Variants in ZBTB20 observed in about 807,000 individuals in gnomAD.
The protein encoded by ZBTB20 is zinc finger and BTB domain-containing protein 20.
ZBTB20 carries 9 observed loss-of-function variants against 56.9 expected under a neutral mutation model. The observed-to-expected ratio is 0.16, with a 90% CI of 0.10 to 0.28. The LOEUF (loss-of-function observed/expected upper bound fraction) is 0.28. ZBTB20 is among the 10% of genes least tolerant of loss of function. The pLI is 1.00. For synonymous variants in ZBTB20, 417 were observed against 420.7 expected, an observed-to-expected ratio of 0.99 and a Z score of 0.11; for missense variants, 655 against 1,003.0, an observed-to-expected ratio of 0.65 and a Z score of 4.69.
At chr3:115,043,268 G>C (rs1020502936) in intron 2 of ZBTB20, among the ~76,000 whole-genome samples, 4 of 151,950 alleles carry the variant, frequency 2.6e-5, no homozygotes, top group African/African-American at 7.3e-5. Flanking sequence ...TGTTTAAAAA[G>C]TAGTTGAAGG....
At chr3:114,399,451 C>T (rs1481904319) in intron 7 of ZBTB20, among the ~76,000 whole-genome samples, 8 of 151,902 alleles carry the variant, frequency 5.3e-5, no homozygotes, top group East Asian at 1.9e-4. Flanking sequence ...ATTCTGTGTC[C>T]GTCTTCAGTT....
At chr3:114,410,913 G>C (rs906642144) in intron 7 of ZBTB20, among the ~76,000 whole-genome samples, 5 of 152,140 alleles carry the variant, frequency 3.3e-5, no homozygotes, top group African/African-American at 1.2e-4. Flanking sequence ...TGCATAGGGA[G>C]ACAACTGACT....
intron 6 of ZBTB20, among the ~76,000 whole-genome samples, chr3:114,599,910 T>C (rs531478960): frequency 1.3e-4 from 20 of 152,062 alleles, no homozygotes; most frequent in African/African-American, 4.8e-4. Flanking sequence ...CTTATTTTTC[T>C]AATACTATGG....
At chr3:114,521,097 AC>A (rs1327581931) in intron 6 of ZBTB20, among the ~76,000 whole-genome samples, 2 of 152,160 alleles carry the variant, frequency 1.3e-5, no homozygotes, top group African/African-American at 4.8e-5. Context: ...TTACACCTTT[AC>A]CTGTTAAAAA....
chr3:114,571,910 C>G (rs548867928), intron 6 of ZBTB20, among the ~76,000 whole-genome samples: 3 of 152,144 alleles, frequency 2.0e-5, no homozygotes, highest in South Asian at 4.1e-4. Context: ...CCAGCGACAG[C>G]CCTGCTGCTA....
chr3:114,432,186 A>G (rs2090175502), intron 7 of ZBTB20, among the ~76,000 whole-genome samples: 1 of 150,890 alleles, frequency 6.6e-6, no homozygotes, highest in Non-Finnish European at 1.5e-5. Flanking sequence ...AAAAAAAGAC[A>G]GTGACAGATA....
chr3:114,641,329 A>G (rs1011765052), intron 6 of ZBTB20, among the ~76,000 whole-genome samples: 1 of 151,942 alleles, frequency 6.6e-6, no homozygotes, highest in East Asian at 1.9e-4. Context: ...AAGATCTAGA[A>G]AAGAAAGACT....
chr3:114,522,366 A>G (rs2046740288), intron 6 of ZBTB20, among the ~76,000 whole-genome samples: 1 of 152,126 alleles, frequency 6.6e-6, no homozygotes, highest in South Asian at 2.1e-4. Context: ...GCTAGGGTGG[A>G]GCGCTAAATG....
intron 4 of ZBTB20, among the ~76,000 whole-genome samples, chr3:114,860,270 G>A (rs549288231): frequency 6.6e-6 from 1 of 150,912 alleles, no homozygotes; most frequent in South Asian, 2.1e-4. Flanking sequence ...TCGTGCCACT[G>A]CACTCCAGCC....
At chr3:114,995,057 A>G (rs1448489645) in intron 2 of ZBTB20, among the ~76,000 whole-genome samples, 1 of 151,912 alleles carries the variant, frequency 6.6e-6, no homozygotes, top group Non-Finnish European at 1.5e-5. Context: ...ATGTTCATGG[A>G]TAAGTGTGTG....
intron 2 of ZBTB20, among the ~76,000 whole-genome samples, chr3:115,057,389 A>G (rs901680631): frequency 6.6e-6 from 1 of 152,012 alleles, no homozygotes; most frequent in African/African-American, 2.4e-5. Flanking sequence ...TACAATATGT[A>G]ACTTTTAACT....
chr3:114,765,585 C>T (rs1009228527), intron 5 of ZBTB20, among the ~76,000 whole-genome samples: 1 of 151,830 alleles, frequency 6.6e-6, no homozygotes, highest in Non-Finnish European at 1.5e-5. Flanking sequence ...GAACTGTGAT[C>T]CAATAAATCT....
At chr3:114,414,570 C>T (rs1019485658) in intron 7 of ZBTB20, among the ~76,000 whole-genome samples, 1 of 151,944 alleles carries the variant, frequency 6.6e-6, no homozygotes, top group Non-Finnish European at 1.5e-5. Flanking sequence ...AGCTCTGTGT[C>T]CCTCATAACA....
chr3:114,909,626 G>A (rs1295217436), intron 3 of ZBTB20, among the ~76,000 whole-genome samples: 2 of 151,848 alleles, frequency 1.3e-5, no homozygotes. Context: ...TAACTTATAA[G>A]CAAAAGACTA....
intron 2 of ZBTB20, among the ~76,000 whole-genome samples, chr3:115,007,783 C>T (rs1667760138): frequency 6.6e-6 from 1 of 151,790 alleles, no homozygotes; most frequent in African/African-American, 2.4e-5. Flanking sequence ...TAATTATTCC[C>T]ACCAAGATCG....
chr3:114,583,594 A>G (rs1401890865), intron 6 of ZBTB20, among the ~76,000 whole-genome samples: 1 of 152,228 alleles, frequency 6.6e-6, no homozygotes, highest in Non-Finnish European at 1.5e-5. Context: ...CATTTAAAAA[A>G]CATGTTTTTA....
chr3:114,565,795 A>AG (rs2052650354), intron 6 of ZBTB20, among the ~76,000 whole-genome samples: 2 of 152,064 alleles, frequency 1.3e-5, no homozygotes, highest in Non-Finnish European at 2.9e-5. Flanking sequence ...CCACATTTAG[A>AG]GAAAAAAAAA....
chr3:114,427,735 T>C (rs1281790102), intron 7 of ZBTB20, among the ~76,000 whole-genome samples: 1 of 152,230 alleles, frequency 6.6e-6, no homozygotes, highest in Non-Finnish European at 1.5e-5. Context: ...ATCTAATACT[T>C]GGGTGTTAAT....
At chr3:114,977,147 T>C (rs1427090251) in intron 2 of ZBTB20, among the ~76,000 whole-genome samples, 1 of 152,250 alleles carries the variant, frequency 6.6e-6, no homozygotes, top group East Asian at 1.9e-4. Context: ...TTACATGCTG[T>C]CTGACTCCAT....
Sources: gnomAD v4.1 joint callset for allele counts (sites outside exome capture counted in the v4.1 genomes callset) on GRCh38, gnomAD v4.1.1 for gene constraint, MANE v1.5 for transcripts, NCBI Gene and HGNC (gene_info 2026-07-23, HGNC 2026-07-21) for gene names.